TMPRSS11D: variants seen among roughly 807,000 people sequenced by gnomAD.
TMPRSS11D encodes transmembrane serine protease 11D.
A neutral mutation model predicts 44.4 loss-of-function variants in TMPRSS11D; 32 were observed. The ratio of observed to expected loss-of-function variants is 0.72; its 90% confidence interval spans 0.54 to 0.97. The LOEUF (loss-of-function observed/expected upper bound fraction) is 0.97. Ranked by LOEUF, TMPRSS11D falls within the 50% of genes least tolerant of loss-of-function variation. TMPRSS11D has a pLI of 0.00. For missense variants in TMPRSS11D, 446 were observed against 502.6 expected (o/e 0.89, Z 1.08); for synonymous variants, 179 against 177.9 (o/e 1.01, Z -0.05).
chr4:67,859,725 C>T lies in TMPRSS11D; in HGVS notation c.9-47G>A, dbSNP rs1273798557. On this transcript the variant is annotated intron_variant, in intron 1 of 9. Transcript: ENST00000283916. ...AGAAAGTCATTCATTTCACTGATTT[C>T]ATCCATCATTTTAGTGTTCATGATT... 4 of 1,606,164 alleles carry T rather than the reference C, an allele frequency of 2.5e-6. No individual in the cohort carries two copies. The South Asian group carries it at 3.3e-5, about 13-fold the overall frequency.
At chr4:67,846,815 A>G (rs1577815102) in intron 3 of TMPRSS11D, among the ~76,000 whole-genome samples, 1 of 152,214 alleles carries the variant, frequency 6.6e-6, no homozygotes, top group East Asian at 1.9e-4. Flanking sequence ...TCAGTAAAAC[A>G]AAACAAAAGG....
intron 1 of TMPRSS11D, among the ~76,000 whole-genome samples, chr4:67,865,776 T>C (rs1007049678): frequency 3.3e-5 from 5 of 151,682 alleles, no homozygotes; most frequent in Non-Finnish European, 7.4e-5. Flanking sequence ...CAGGTTTAAT[T>C]TACAGATTAA....
At chr4:67,832,673 A>G (rs1485192662) in intron 7 of TMPRSS11D, among the ~76,000 whole-genome samples, 2 of 150,346 alleles carry the variant, frequency 1.3e-5, no homozygotes, top group Non-Finnish European at 3.0e-5. Context: ...AGCTTCTACA[A>G]TATATAACAC....
chr4:67,859,822 C>G, intron 1 of TMPRSS11D, 144 bp from the exon 2 acceptor site: 1 of 1,152,898 alleles, frequency 8.7e-7, no homozygotes, highest in Non-Finnish European at 1.2e-6. Context: ...AGATATGAAA[C>G]TGAACTTAAC....
Position 67,825,823 on chromosome 4 carries a change from T to A in TMPRSS11D, c.1004A>T (p.Asp335Val). The A allele has an allele frequency of 1.2e-6, 2 of 1,613,192 alleles. No homozygotes were observed. The highest frequency in any genetic ancestry group is 2.7e-5 in the African/African-American group (2 of 74,958). Residue 335 changes from aspartate to valine, a missense_variant, in exon 9 of 10, where the codon GAT becomes GTT. Physicochemically the swap from Asp to Val is radical, Grantham distance 152 (BLOSUM62 -3). Coordinates refer to ENST00000283916, the MANE Select transcript of TMPRSS11D (RefSeq NM_004262.3). Reference protein sequence around the residue: ...RQGQVRIISNDVCNAPHSYNG... With the variant: ...RQGQVRIISNVVCNAPHSYNG... ...ATAACTATGTGGTGCATTACATACA[T>A]CATTACTTATTATTCTGACCTGTCC...
rs1717782994 is a variant in TMPRSS11D at position 67,825,958 on chromosome 4, G to A, written c.953-84C>T. The A allele has an allele frequency of 2.2e-6, 3 of 1,372,136 alleles. No individual in the cohort carries two copies. The South Asian group carries it at 5.3e-5, about 24-fold the overall frequency. The allele number at this position is 1,372,136 out of a possible 1,614,324, so 85.0% of individuals were successfully genotyped here. Reference sequence around the variant, plus strand: ...ATAATAAATTTGAGAAGAAATAAATGTACTCCAAACATTATTTCATATTTA... The same window carrying A: ...ATAATAAATTTGAGAAGAAATAAATATACTCCAAACATTATTTCATATTTA... On this transcript the variant is annotated intron_variant, in intron 8 of 9. Transcript: ENST00000283916.
intron 1 of TMPRSS11D, among the ~76,000 whole-genome samples, chr4:67,871,940 C>T (rs1267199436): frequency 6.6e-6 from 1 of 152,164 alleles, no homozygotes; most frequent in African/African-American, 2.4e-5. Context: ...ACTTTGTTGA[C>T]TCTACTGGTG....
chr4:67,829,609 A>C (rs1717895410), intron 7 of TMPRSS11D, among the ~76,000 whole-genome samples: 1 of 152,032 alleles, frequency 6.6e-6, no homozygotes, highest in Admixed American at 6.6e-5. Flanking sequence ...CCATGGGAAA[A>C]TATTGGTAAT....
rs528587045 is a variant in TMPRSS11D at position 67,827,186 on chromosome 4, T to C, written c.952+75A>G. On this transcript the variant is annotated intron_variant, in intron 8 of 9. Coordinates refer to ENST00000283916, the MANE Select transcript of TMPRSS11D (RefSeq NM_004262.3). ...GAATAGAAACACCTATTCCAGATGTTTCCTAATTTAAAAAATTACCTAATA... is the reference window on the plus strand; with the variant it reads ...GAATAGAAACACCTATTCCAGATGTCTCCTAATTTAAAAAATTACCTAATA... 1.1e-3 allele frequency: 1,662 copies of C among 1,516,198 alleles called. 1 individual carries two copies. The highest frequency in any genetic ancestry group is 2.4e-3 in the Admixed American group (106 of 44,864). 93.9% of individuals were successfully genotyped at this position (1,516,198 alleles called of 1,614,324 possible).
At chr4:67,857,836 AT>A (rs553851869) in intron 2 of TMPRSS11D, among the ~76,000 whole-genome samples, 152 of 152,278 alleles carry the variant, frequency 1.0e-3, no homozygotes, top group African/African-American at 3.2e-3. Flanking sequence ...TCTATTATGT[AT>A]TTCAAAGTAG....
At chr4:67,840,024 T>C (rs1176058325) in intron 4 of TMPRSS11D, among the ~76,000 whole-genome samples, 1 of 138,796 alleles carries the variant, frequency 7.2e-6, no homozygotes, top group East Asian at 2.2e-4. Flanking sequence ...CATGTGCTGC[T>C]GATTCCTCTA....
intron 3 of TMPRSS11D, among the ~76,000 whole-genome samples, chr4:67,852,510 G>A (rs1284656249): frequency 6.6e-6 from 1 of 152,184 alleles, no homozygotes; most frequent in Non-Finnish European, 1.5e-5. Flanking sequence ...AATGTTCAGT[G>A]AGAACCATCA....
intron 7 of TMPRSS11D, among the ~76,000 whole-genome samples, chr4:67,830,236 A>G (rs1717911831): frequency 1.3e-5 from 2 of 152,092 alleles, no homozygotes; most frequent in African/African-American, 2.4e-5. Context: ...AGGTGCGTGC[A>G]TGTACCTTTA....
intron 1 of TMPRSS11D, among the ~76,000 whole-genome samples, chr4:67,861,673 A>G (rs1205443118): frequency 1.3e-5 from 2 of 152,140 alleles, no homozygotes; most frequent in Non-Finnish European, 2.9e-5. Flanking sequence ...CACGGGAATA[A>G]CATTACAGCC....
intron 9 of TMPRSS11D, among the ~76,000 whole-genome samples, chr4:67,824,592 C>G (rs980954230): frequency 1.3e-5 from 2 of 152,040 alleles, no homozygotes; most frequent in Non-Finnish European, 2.9e-5. Flanking sequence ...AATTGAAAAA[C>G]AAATCTCCAC....
chr4:67,827,568 T>C, intron 7 of TMPRSS11D, 48 bp from the exon 8 acceptor site: 1 of 1,525,380 alleles, frequency 6.6e-7, no homozygotes, highest in Non-Finnish European at 8.8e-7. Context: ...TTTGTGAACA[T>C]TTCAGATATA....
chr4:67,855,660 C>T (rs973080235), intron 2 of TMPRSS11D, among the ~76,000 whole-genome samples: 11 of 152,174 alleles, frequency 7.2e-5, no homozygotes, highest in African/African-American at 2.7e-4. Context: ...ACTTTCATCA[C>T]TCCTATTCAA....
intron 4 of TMPRSS11D, 102 bp from the exon 5 acceptor site, chr4:67,838,431 G>C (rs1371568616): frequency 3.5e-6 from 4 of 1,156,298 alleles, no homozygotes; most frequent in Non-Finnish European, 4.6e-6. Flanking sequence ...GAATTCATTT[G>C]TGGAATTTAA....
intron 1 of TMPRSS11D, among the ~76,000 whole-genome samples, chr4:67,866,638 T>A (rs998731167): frequency 6.6e-6 from 1 of 152,034 alleles, no homozygotes; most frequent in African/African-American, 2.4e-5. Flanking sequence ...TTCAGGAATG[T>A]CTCGGGATAC....
Sources: allele counts gnomAD v4.1 joint callset (sites outside exome capture counted in the v4.1 genomes callset), GRCh38; gene constraint gnomAD v4.1.1; transcripts MANE v1.5; gene names NCBI Gene and HGNC (gene_info 2026-07-23, HGNC 2026-07-21).